Variants in PTPN4 observed in about 807,000 individuals in gnomAD.
The protein encoded by PTPN4 is protein tyrosine phosphatase non-receptor type 4, also known as tyrosine-protein phosphatase non-receptor type 4.
PTPN4 carries 49 observed loss-of-function variants against 135.5 expected under a neutral mutation model. That is an observed-to-expected ratio of 0.36 (90% confidence interval 0.29 to 0.46). PTPN4 has a LOEUF of 0.46. Among genes scored for constraint, PTPN4 ranks in the 20% least tolerant of loss-of-function variants. The probability of loss-of-function intolerance (pLI) is 1.00; values close to 1 mark genes in which losing one functional copy is unlikely to be tolerated. For missense variants in PTPN4, 860 were observed against 1,101.0 expected (o/e 0.78, Z 3.10); for synonymous variants, 333 against 369.9 (o/e 0.90, Z 1.14).
At chr2:119,895,099 T>A (rs1011909470) in intron 9 of PTPN4, among the ~76,000 whole-genome samples, 1 of 152,184 alleles carries the variant, frequency 6.6e-6, no homozygotes, top group Admixed American at 6.5e-5. Flanking sequence ...ATAGCGGTTA[T>A]CTCTGAGAAT....
intron 10 of PTPN4, among the ~76,000 whole-genome samples, chr2:119,909,704 C>T (rs1230900457): frequency 6.6e-6 from 1 of 152,074 alleles, no homozygotes; most frequent in Non-Finnish European, 1.5e-5. Context: ...AAGGATTTAC[C>T]ATTCTAGATG....
chr2:119,926,761 AAAT>A, intron 13 of PTPN4, 95 bp downstream of exon 13: 1 of 904,986 alleles, frequency 1.1e-6, no homozygotes, highest in South Asian at 1.9e-5. Context: ...AAGTTTTTCT[AAAT>A]ATTTCAAATT....
At chr2:119,911,812 CTG>C (rs924574347) in intron 10 of PTPN4, among the ~76,000 whole-genome samples, 2 of 152,074 alleles carry the variant, frequency 1.3e-5, no homozygotes, top group Admixed American at 6.6e-5. Flanking sequence ...ACTAGAATGA[CTG>C]TATTATTATA....
At chr2:119,923,740 A>G (rs996185437) in intron 12 of PTPN4, among the ~76,000 whole-genome samples, 2 of 152,010 alleles carry the variant, frequency 1.3e-5, no homozygotes, top group Admixed American at 6.5e-5. Context: ...TGAAGATTAA[A>G]TCCTCTCTAT....
intron 2 of PTPN4, among the ~76,000 whole-genome samples, chr2:119,848,387 A>T (rs1677539271): frequency 6.6e-6 from 1 of 151,664 alleles, no homozygotes; most frequent in East Asian, 2.0e-4. Flanking sequence ...GTTAGCCAGG[A>T]TGGTCTCAAT....
At chr2:119,910,930 C>T (rs1486110834) in intron 10 of PTPN4, among the ~76,000 whole-genome samples, 2 of 151,880 alleles carry the variant, frequency 1.3e-5, no homozygotes, top group South Asian at 2.1e-4. Context: ...AATTTCACAA[C>T]GTAGATTAAA....
chr2:119,764,901 G>C (rs957616232), intron 1 of PTPN4, among the ~76,000 whole-genome samples: 1 of 152,160 alleles, frequency 6.6e-6, no homozygotes, highest in Non-Finnish European at 1.5e-5. Flanking sequence ...GTGTGGTAGA[G>C]AGAATTTTGA....
chr2:119,895,061 A>G (rs1175124618), intron 9 of PTPN4, among the ~76,000 whole-genome samples: 4 of 152,186 alleles, frequency 2.6e-5, no homozygotes, highest in African/African-American at 9.7e-5. Flanking sequence ...TTGTATAAAG[A>G]TAGAGGAAAA....
chr2:119,932,655 C>A (rs1678923051), intron 14 of PTPN4, 106 bp downstream of exon 14: 3 of 1,309,296 alleles, frequency 2.3e-6, no homozygotes, highest in Non-Finnish European at 3.1e-6. Context: ...AAATTGAATT[C>A]TTTTGGTGAA....
At chr2:119,857,927 A>G (rs1677705988) in intron 2 of PTPN4, among the ~76,000 whole-genome samples, 1 of 152,158 alleles carries the variant, frequency 6.6e-6, no homozygotes, top group Admixed American at 6.5e-5. Context: ...AGGCAATTAG[A>G]TCATGGGAGC....
chr2:119,850,529 A>G (rs1461138581), intron 2 of PTPN4, among the ~76,000 whole-genome samples: 1 of 152,138 alleles, frequency 6.6e-6, no homozygotes, highest in Non-Finnish European at 1.5e-5. Flanking sequence ...TGCCTCTCCT[A>G]TATCCCTTGA....
At chr2:119,806,381 T>C (rs968171811) in intron 1 of PTPN4, among the ~76,000 whole-genome samples, 2 of 151,922 alleles carry the variant, frequency 1.3e-5, no homozygotes, top group African/African-American at 4.8e-5. Flanking sequence ...GATGGAGGAA[T>C]ATCTAACAAG....
Position 119,843,623 on chromosome 2 carries a change from AC to A in PTPN4, c.139-18905del, listed in dbSNP as rs1278152372. Among the ~76,000 whole-genome samples, 4 of 61,722 alleles carry A rather than the reference AC, an allele frequency of 6.5e-5. 1 individual carries two copies. In the East Asian group the frequency reaches 1.4e-3, roughly 21 times the overall value. 40.5% of individuals were successfully genotyped at this position (61,722 alleles called of 152,430 possible). A position where few individuals can be genotyped will look rare whatever the true frequency, so the allele number is the denominator to read the frequency against. On this transcript the variant is annotated intron_variant, in intron 2 of 26. Transcript: ENST00000263708. Reference sequence around the variant, plus strand: ...GGCGGCTGGCCGGGCAGGGGGGCTGACCCCCCCCACCTTCCCTCCCGGACGG... The same window carrying A: ...GGCGGCTGGCCGGGCAGGGGGGCTGACCCCCCCACCTTCCCTCCCGGACGG...
chr2:119,811,092 C>T (rs1334378637), intron 2 of PTPN4, among the ~76,000 whole-genome samples: 1 of 150,196 alleles, frequency 6.7e-6, no homozygotes, highest in East Asian at 1.9e-4. Context: ...GGATTAGGGG[C>T]TGGGGGAGGG....
At chr2:119,878,274 G>A (rs1678015109) in intron 5 of PTPN4, among the ~76,000 whole-genome samples, 1 of 152,210 alleles carries the variant, frequency 6.6e-6, no homozygotes, top group Non-Finnish European at 1.5e-5. Context: ...TGTAGTAACT[G>A]TCAGTATTAA....
intron 19 of PTPN4, among the ~76,000 whole-genome samples, chr2:119,952,637 C>G (rs968029745): frequency 6.6e-6 from 1 of 152,184 alleles, no homozygotes; most frequent in South Asian, 2.1e-4. Flanking sequence ...AATGCCATAA[C>G]AAGCTATAGT....
At chr2:119,805,583 A>C (rs980618404) in intron 1 of PTPN4, among the ~76,000 whole-genome samples, 2 of 152,124 alleles carry the variant, frequency 1.3e-5, no homozygotes, top group Non-Finnish European at 2.9e-5. Context: ...CAAAGATCAG[A>C]TGGTTGTAGA....
intron 3 of PTPN4, among the ~76,000 whole-genome samples, chr2:119,876,220 T>C (rs930012247): frequency 3.9e-5 from 6 of 152,154 alleles, no homozygotes; most frequent in African/African-American, 1.4e-4. Context: ...GAAGTGTTAA[T>C]CAAATGAGTG....
intron 2 of PTPN4, among the ~76,000 whole-genome samples, chr2:119,810,192 G>A (rs1450251420): frequency 6.6e-6 from 1 of 152,172 alleles, no homozygotes; most frequent in Non-Finnish European, 1.5e-5. Context: ...ACTGGATGTT[G>A]TTGAGAAACC....
Sources: gnomAD v4.1 joint callset for allele counts (sites outside exome capture counted in the v4.1 genomes callset) on GRCh38, gnomAD v4.1.1 for gene constraint, MANE v1.5 for transcripts, NCBI Gene and HGNC (gene_info 2026-07-23, HGNC 2026-07-21) for gene names.